Variants in ATP13A5 observed in about 807,000 individuals in gnomAD.
ATP13A5 encodes ATPase 13A5.
ATP13A5 carries 149 observed loss-of-function variants against 150.2 expected under a neutral mutation model. The observed-to-expected ratio is 0.99, with a 90% CI of 0.87 to 1.14. The LOEUF is 1.14. ATP13A5 is among the 50% of genes most tolerant of loss of function. ATP13A5 has a pLI of 0.00. For synonymous variants in ATP13A5, 497 were observed against 522.2 expected (o/e 0.95, Z 0.66); for missense variants, 1,383 against 1,449.3 (o/e 0.95, Z 0.74).
intron 25 of ATP13A5, among the ~76,000 whole-genome samples, chr3:193,291,536 G>A (rs1717954221): frequency 6.6e-6 from 1 of 152,020 alleles, no homozygotes; most frequent in South Asian, 2.1e-4. Flanking sequence ...ACTCAGGAAG[G>A]GTCCTGCCAA....
rs530509108 is a variant in ATP13A5 at position 193,350,671 on chromosome 3, T to C, written c.741+396A>G. On this transcript the variant is annotated intron_variant, in intron 7 of 29. Transcript: ENST00000342358. ...TAGGAAACCTATAGAACAAATACAA[T>C]ATTTAAGTCAGGGAAAATAGATGGA... 8.8e-4 allele frequency among the ~76,000 whole-genome samples: 134 copies of C among 152,246 alleles called. 1 individual carries two copies. In the South Asian group the frequency reaches 0.027, roughly 31 times the overall value.
intron 25 of ATP13A5, among the ~76,000 whole-genome samples, chr3:193,292,322 G>C (rs1017967054): frequency 4.6e-5 from 7 of 152,130 alleles, no homozygotes; most frequent in African/African-American, 1.4e-4. Flanking sequence ...GTAGTGGAGA[G>C]AGTAAAATTG....
intron 7 of ATP13A5, 43 bp from the exon 8 acceptor site, chr3:193,345,118 T>C: frequency 6.5e-7 from 1 of 1,545,344 alleles, no homozygotes; most frequent in Non-Finnish European, 8.9e-7. Flanking sequence ...ATAGTTCATG[T>C]TCTGAAAACC....
At chr3:193,304,233 C>T (rs1285936703) in intron 23 of ATP13A5, among the ~76,000 whole-genome samples, 1 of 152,086 alleles carries the variant, frequency 6.6e-6, no homozygotes, top group African/African-American at 2.4e-5. Context: ...TGGCAGACTC[C>T]AAGGAGTAGA....
intron 1 of ATP13A5, among the ~76,000 whole-genome samples, chr3:193,371,745 C>T (rs1009748598): frequency 6.6e-6 from 1 of 152,176 alleles, no homozygotes; most frequent in African/African-American, 2.4e-5. Context: ...CGTGCTTTAA[C>T]TATCTCTGAC....
chr3:193,305,649 G>A lies in ATP13A5; in HGVS notation c.2588C>T (p.Ala863Val). 6.2e-7 allele frequency: 1 copy of A among 1,613,884 alleles called. No individual in the cohort carries two copies. Among genetic ancestry groups the A allele is most frequent in the South Asian group, 1.1e-5 (1 of 91,078 alleles). Residue 863 changes from alanine (A) to valine (V), a missense_variant, in exon 23 of 30, where the codon GCA becomes GTA. Ala to Val is a moderately conservative substitution (Grantham distance 64). Coordinates refer to ENST00000342358, the MANE Select transcript of ATP13A5 (RefSeq NM_198505.4). The part of the protein sequence containing the change: ...NDCGALKAAH[A>V]GISLSEQEAS... ...TTCCTGCTCTGATAATGAAATGCCT[G>A]CATGAGCCGCTTTCAAAGCCTGGAA...
At chr3:193,306,979 A>G in intron 22 of ATP13A5, 1 of 406,458 alleles carries the variant, frequency 2.5e-6, no homozygotes, top group Non-Finnish European at 3.3e-6. Context: ...TGACCTTGGG[A>G]GGGGGGAAGA....
intron 1 of ATP13A5, among the ~76,000 whole-genome samples, chr3:193,371,179 G>A (rs1713425545): frequency 6.6e-6 from 1 of 152,162 alleles, no homozygotes; most frequent in Admixed American, 6.5e-5. Flanking sequence ...GGAACAACAT[G>A]GCAAGTTCGG....
At chr3:193,350,748 C>T (rs1370340307) in intron 7 of ATP13A5, among the ~76,000 whole-genome samples, 3 of 152,126 alleles carry the variant, frequency 2.0e-5, no homozygotes, top group Non-Finnish European at 4.4e-5. Context: ...TGAGATGCTA[C>T]CCCTTCATTC....
At chr3:193,350,581 A>G (rs1577364948) in intron 7 of ATP13A5, among the ~76,000 whole-genome samples, 1 of 152,214 alleles carries the variant, frequency 6.6e-6, no homozygotes, top group South Asian at 2.1e-4. Context: ...CGAATATCAA[A>G]TGAACACATA....
In ATP13A5 at chr3:193,325,025, A is replaced by T. The variant is rs1719422005; in HGVS notation, c.1524-11T>A. The stretch of plus-strand genomic sequence containing the variant: ...TGGGCTTCCTGGAAGCTGGTAGAGA[A>T]GGTAATGTTAAAGTCTTTGATAAAA... On this transcript the variant is annotated splice_polypyrimidine_tract_variant and intron_variant, in intron 13 of 29. Coordinates refer to ENST00000342358, the MANE Select transcript of ATP13A5 (RefSeq NM_198505.4). 1 of 1,607,806 alleles carries T rather than the reference A, an allele frequency of 6.2e-7. No individual in the cohort carries two copies. The highest frequency in any genetic ancestry group is 1.1e-5 in the South Asian group (1 of 90,042).
At chr3:193,349,811 C>A (rs916813980) in intron 7 of ATP13A5, among the ~76,000 whole-genome samples, 1 of 152,198 alleles carries the variant, frequency 6.6e-6, no homozygotes, top group Non-Finnish European at 1.5e-5. Flanking sequence ...TAAAAAAATT[C>A]TTTCATTTGT....
intron 19 of ATP13A5, 175 bp downstream of exon 19, chr3:193,313,858 G>T: frequency 1.4e-6 from 1 of 692,232 alleles, no homozygotes; most frequent in African/African-American, 1.8e-5. Context: ...AACTCCCCCA[G>T]GTGATTTTCC....
chr3:193,358,763 G>A (rs55766200), intron 5 of ATP13A5, among the ~76,000 whole-genome samples: 65,302 of 151,978 alleles, frequency 0.43, 14,893 homozygotes, highest in African/African-American at 0.6. Context: ...CTTCCAGTCA[G>A]CTTTTCTGGG....
intron 8 of ATP13A5, 94 bp downstream of exon 8, chr3:193,344,909 A>G: frequency 7.9e-7 from 1 of 1,260,014 alleles, no homozygotes; most frequent in Non-Finnish European, 1.2e-6. Context: ...CAATCTGAAA[A>G]GATTATTTCT....
intron 22 of ATP13A5, chr3:193,307,109 T>C: frequency 7.3e-7 from 1 of 1,365,366 alleles, no homozygotes; most frequent in Non-Finnish European, 9.4e-7. Context: ...TTCCTTTGTG[T>C]TTATTATTCT....
At chr3:193,289,355 G>GA (rs1382237797) in intron 26 of ATP13A5, among the ~76,000 whole-genome samples, 7 of 151,986 alleles carry the variant, frequency 4.6e-5, no homozygotes, top group African/African-American at 1.7e-4. Context: ...ATTCATTTGG[G>GA]AAAAAACAAA....
At chr3:193,342,294 G>A (rs1288543416) in intron 9 of ATP13A5, among the ~76,000 whole-genome samples, 1 of 152,166 alleles carries the variant, frequency 6.6e-6, no homozygotes, top group African/African-American at 2.4e-5. Flanking sequence ...AATTCCCTAG[G>A]AATACATTTG....
chr3:193,300,138 C>A (rs1718343842), intron 24 of ATP13A5, among the ~76,000 whole-genome samples: 1 of 152,186 alleles, frequency 6.6e-6, no homozygotes, highest in Non-Finnish European at 1.5e-5. Flanking sequence ...GTGTCCCTGT[C>A]AACCTCCAAT....
Sources: allele counts gnomAD v4.1 joint callset (sites outside exome capture counted in the v4.1 genomes callset), GRCh38; gene constraint gnomAD v4.1.1; transcripts MANE v1.5; gene names NCBI Gene and HGNC (gene_info 2026-07-23, HGNC 2026-07-21).